The following KCNMA1 variants were observed in gnomAD, a reference collection of about 807,000 sequenced individuals.
KCNMA1 encodes potassium calcium-activated channel subfamily M alpha 1, also known as Calcium-activated potassium channel subunit alpha-1.
A neutral mutation model predicts 140.0 loss-of-function variants in KCNMA1; 29 were observed. The ratio of observed to expected loss-of-function variants is 0.21; its 90% CI spans 0.15 to 0.28. The LOEUF (loss-of-function observed/expected upper bound fraction) is 0.28. Ranked by LOEUF, KCNMA1 falls within the 10% of genes least tolerant of loss-of-function variation. KCNMA1 has a pLI of 1.00. For missense variants in KCNMA1, 880 were observed against 1,602.2 expected (o/e 0.55, Z 7.70); for synonymous variants, 612 against 611.9 (o/e 1.00, Z 0.00).
intron 1 of KCNMA1, among the ~76,000 whole-genome samples, chr10:77,608,116 A>G (rs923193050): frequency 1.6e-4 from 25 of 152,124 alleles, no homozygotes; most frequent in African/African-American, 5.8e-4. Context: ...CAAAGACACC[A>G]TTCCTCTGCA....
At chr10:77,469,320 T>C (rs934884237) in intron 1 of KCNMA1, among the ~76,000 whole-genome samples, 1 of 152,192 alleles carries the variant, frequency 6.6e-6, no homozygotes, top group Non-Finnish European at 1.5e-5. Flanking sequence ...GGAGGATTTC[T>C]GGTCAAGACG....
intron 3 of KCNMA1, among the ~76,000 whole-genome samples, chr10:77,247,485 G>C (rs577879672): frequency 2.6e-5 from 4 of 151,924 alleles, no homozygotes; most frequent in African/African-American, 9.7e-5. Context: ...GGCGTCTGCA[G>C]GCACTCTTGA....
intron 2 of KCNMA1, among the ~76,000 whole-genome samples, chr10:77,270,250 G>A (rs140927855): frequency 5.1e-4 from 78 of 152,278 alleles, no homozygotes; most frequent in African/African-American, 1.9e-3. Flanking sequence ...CACCATTTTT[G>A]AGCAAAATGG....
chr10:77,151,230 TTC>T (rs2098413223), intron 5 of KCNMA1, among the ~76,000 whole-genome samples: 1 of 150,614 alleles, frequency 6.6e-6, no homozygotes, highest in Admixed American at 6.7e-5. Context: ...CCTTCTTTCT[TTC>T]TCTTTCTTCC....
intron 5 of KCNMA1, among the ~76,000 whole-genome samples, chr10:77,133,715 T>C (rs977297670): frequency 2.6e-5 from 4 of 152,156 alleles, no homozygotes; most frequent in Non-Finnish European, 5.9e-5. Flanking sequence ...TAGCATTTAA[T>C]CCCTTGGGAT....
intron 5 of KCNMA1, among the ~76,000 whole-genome samples, chr10:77,154,418 C>T (rs534061655): frequency 3.3e-5 from 5 of 152,180 alleles, no homozygotes; most frequent in African/African-American, 1.2e-4. Flanking sequence ...CAATGAATGT[C>T]GCTTGCCTTT....
chr10:77,457,392 T>C (rs553046691), intron 1 of KCNMA1, among the ~76,000 whole-genome samples: 2 of 152,220 alleles, frequency 1.3e-5, no homozygotes, highest in East Asian at 3.9e-4. Flanking sequence ...CATCATTATA[T>C]CTATCACCTC....
chr10:77,464,702 C>A (rs1013229806), intron 1 of KCNMA1, among the ~76,000 whole-genome samples: 1 of 152,086 alleles, frequency 6.6e-6, no homozygotes, highest in Non-Finnish European at 1.5e-5. Flanking sequence ...AGGCTCCCGG[C>A]CCTCTAAGAG....
intron 12 of KCNMA1, among the ~76,000 whole-genome samples, chr10:77,081,075 C>A (rs2096553500): frequency 6.6e-6 from 1 of 152,124 alleles, no homozygotes; most frequent in Non-Finnish European, 1.5e-5. Context: ...GCATGGCCTG[C>A]ACCCACCCCA....
chr10:77,182,255 G>T (rs1366258309), intron 5 of KCNMA1, among the ~76,000 whole-genome samples: 1 of 152,108 alleles, frequency 6.6e-6, no homozygotes, highest in Non-Finnish European at 1.5e-5. Context: ...AGCAATAAAA[G>T]GAAAAGGAAA....
chr10:77,079,481 C>T lies in KCNMA1; in HGVS notation c.1593G>A (p.Lys531=). Residue 531 remains lysine, a splice_region_variant and synonymous_variant, in exon 13 of 28, where the codon AAG becomes AAA. Transcript: ENST00000286628. ...IITQMLQYHN[K]AHLLNIPSWN... ...CTGGAGCGGGCTCTCGCACTCCTAC[C>T]TTGTTGTGATACTGCAGCATTTGAG... 1 of 1,608,432 alleles carries T rather than the reference C, an allele frequency of 6.2e-7. No homozygotes were observed. Among genetic ancestry groups the T allele is most frequent in the Non-Finnish European group, 8.5e-7 (1 of 1,175,146 alleles).
intron 5 of KCNMA1, among the ~76,000 whole-genome samples, chr10:77,138,264 T>G (rs2098091348): frequency 6.6e-6 from 1 of 152,196 alleles, no homozygotes; most frequent in Non-Finnish European, 1.5e-5. Flanking sequence ...TACTTTGTTT[T>G]AAAATTATTG....
At chr10:77,119,051 C>T (rs890174555) in intron 6 of KCNMA1, among the ~76,000 whole-genome samples, 3 of 152,200 alleles carry the variant, frequency 2.0e-5, no homozygotes, top group East Asian at 1.9e-4. Flanking sequence ...GCCCAGACAG[C>T]CTTCCACCCC....
At chr10:77,574,704 G>A (rs1342636640) in intron 1 of KCNMA1, among the ~76,000 whole-genome samples, 2 of 152,178 alleles carry the variant, frequency 1.3e-5, no homozygotes, top group Non-Finnish European at 2.9e-5. Flanking sequence ...AAGAGCAACT[G>A]CTCACATAAA....
intron 2 of KCNMA1, among the ~76,000 whole-genome samples, chr10:77,381,892 C>T (rs190756710): frequency 7.2e-4 from 109 of 152,306 alleles, no homozygotes; most frequent in Admixed American, 1.7e-3. Flanking sequence ...GCTTCCAATG[C>T]CACTTATCCT....
intron 2 of KCNMA1, among the ~76,000 whole-genome samples, chr10:77,335,909 T>C (rs2088748771): frequency 6.6e-6 from 1 of 152,140 alleles, no homozygotes; most frequent in Non-Finnish European, 1.5e-5. Context: ...TTGTCCCTCC[T>C]CTTCATCAAC....
chr10:77,097,712 A>C (rs2096970028), intron 9 of KCNMA1, among the ~76,000 whole-genome samples: 1 of 152,226 alleles, frequency 6.6e-6, no homozygotes, highest in South Asian at 2.1e-4. Flanking sequence ...ATTTTTTTAA[A>C]AAAAAGGAGG....
intron 1 of KCNMA1, among the ~76,000 whole-genome samples, chr10:77,611,170 T>G (rs971685545): frequency 6.6e-6 from 1 of 152,234 alleles, no homozygotes; most frequent in Non-Finnish European, 1.5e-5. Flanking sequence ...GACCTTGTTT[T>G]CCATTTGAGA....
intron 2 of KCNMA1, among the ~76,000 whole-genome samples, chr10:77,324,963 CTCTCTCTCTGTG>C (rs1196119401): frequency 1.1e-4 from 12 of 104,512 alleles, no homozygotes; most frequent in African/African-American, 4.4e-4. Flanking sequence ...CTCTCTCTCT[CTCTCTCTCTGTG>C]TGTGTGTGTG....
Sources: allele counts gnomAD v4.1 joint callset (sites outside exome capture counted in the v4.1 genomes callset), GRCh38; gene constraint gnomAD v4.1.1; transcripts MANE v1.5; gene names NCBI Gene and HGNC (gene_info 2026-07-23, HGNC 2026-07-21).